The following SOCS1 variants were observed in gnomAD, a reference collection of about 807,000 sequenced individuals.
The protein encoded by SOCS1 is suppressor of cytokine signaling 1.
In SOCS1, 3 loss-of-function variants were observed where a neutral mutation model predicts 9.7. The observed-to-expected ratio is 0.31, with a 90% CI of 0.14 to 0.80. The LOEUF is 0.80. Ranked by LOEUF, SOCS1 falls within the 30% of genes least tolerant of loss-of-function variation. SOCS1 has a pLI of 0.61. For synonymous variants in SOCS1, 194 were observed against 150.2 expected (o/e 1.29, Z -2.13); for missense variants, 368 against 324.7 (o/e 1.13, Z -1.02).
chr16:11,254,980 G>T lies in SOCS1; in HGVS notation c.499C>A (p.Arg167Ser). Residue 167 changes from arginine (R) to serine (S), a missense_variant, in exon 2 of 2, where the codon CGC becomes AGC. Physicochemically the swap from Arg to Ser is moderately radical, Grantham distance 110. Transcript: ENST00000332029. ...APRRMLGAPLRQRRVRPLQEL... is the reference protein window; with the variant it reads ...APRRMLGAPLSQRRVRPLQEL... Reference sequence around the variant, plus strand: ...TGCAGCGGCCGCACGCGGCGCTGGCGCAGCGGGGCCCCCAGCATGCGGCGC... The same window carrying T: ...TGCAGCGGCCGCACGCGGCGCTGGCTCAGCGGGGCCCCCAGCATGCGGCGC... The T allele has an allele frequency of 6.5e-7, 1 of 1,540,296 alleles. No individual in the cohort carries two copies. The highest frequency in any genetic ancestry group is 1.2e-5 in the South Asian group (1 of 83,026).
At position 11,254,734 on chromosome 16, in the gene SOCS1, C is replaced by T. The variant is rs912493125; in HGVS notation, c.*109G>A. The T allele has an allele frequency of 7.4e-6, 10 of 1,354,992 alleles. No individual in the cohort carries two copies. Among genetic ancestry groups the T allele is most frequent in the African/African-American group, 1.5e-5 (1 of 65,412 alleles). The allele number at this position is 1,354,992 out of a possible 1,614,324, so 83.9% of individuals were successfully genotyped here. On this transcript the variant is annotated 3_prime_UTR_variant, in exon 2 of 2. Coordinates refer to ENST00000332029, the MANE Select transcript of SOCS1 (RefSeq NM_003745.2). ...GGAGGCGCCTCGCCCCTACACCCATCCGCTCCCTCCAACCCAGGCCGGGGA... is the reference window on the plus strand; with the variant it reads ...GGAGGCGCCTCGCCCCTACACCCATTCGCTCCCTCCAACCCAGGCCGGGGA...
At chr16:11,255,784 C>T (rs34595128) in intron 1 of SOCS1, 2,814 of 258,346 alleles carry the variant, frequency 0.011, 70 homozygotes, top group African/African-American at 0.057. Flanking sequence ...GAGAGGGGGG[C>T]GTGGAGAGCA....
At position 11,254,989 on chromosome 16, in the gene SOCS1, C is replaced by T. The variant is rs375288726; in HGVS notation, c.490G>A (p.Ala164Thr). Residue 164 changes from alanine to threonine, a missense_variant, in exon 2 of 2, where the codon GCC (alanine) becomes ACC (threonine). Ala to Thr is a moderately conservative substitution (Grantham distance 58, BLOSUM62 0). Coordinates refer to ENST00000332029, the MANE Select transcript of SOCS1 (RefSeq NM_003745.2). The stretch of plus-strand genomic sequence containing the variant: ...CGCACGCGGCGCTGGCGCAGCGGGG[C>T]CCCCAGCATGCGGCGCGGCGCCGCC... ...YVAAPRRMLG[A>T]PLRQRRVRPL... 4.4e-5 allele frequency: 68 copies of T among 1,556,838 alleles called. No individual in the cohort carries two copies. Among genetic ancestry groups the T allele is most frequent in the Non-Finnish European group, 5.6e-5 (65 of 1,155,654 alleles).
intron 1 of SOCS1, 197 bp downstream of exon 1, chr16:11,255,882 G>C (rs2069595516): frequency 6.1e-6 from 1 of 163,862 alleles, no homozygotes; most frequent in African/African-American, 2.4e-5. Flanking sequence ...CCTGGTCTGG[G>C]CGATTTGGGC....
rs2069584323 is a variant in SOCS1, at chr16:11,255,273, C to A, written c.206G>T (p.Arg69Leu). 6.5e-7 allele frequency: 1 copy of A among 1,538,252 alleles called. No individual in the cohort carries two copies. Among genetic ancestry groups the A allele is most frequent in the East Asian group, 2.5e-5 (1 of 39,462 alleles). The change falls in exon 2 of 2, where the codon CGC (arginine) becomes CTC (leucine). Residue 69 changes from arginine to leucine, a missense_variant. Arg to Leu is a moderately radical substitution (Grantham distance 102). Transcript: ENST00000332029. The stretch of plus-strand genomic sequence containing the variant: ...GCAGGCGTCCAGGAGCGCGCTGGCG[C>A]GCGTGATGCGCCGGTAATCGGCGTG... ...RSHADYRRIT[R>L]ASALLDACGF...
intron 1 of SOCS1, 84 bp from the exon 2 acceptor site, chr16:11,255,612 T>TC (rs2069590788): frequency 1.3e-5 from 6 of 467,754 alleles, no homozygotes; most frequent in African/African-American, 6.1e-5. Context: ...AGGGCGGCGC[T>TC]CCCGGCGGAC....
In SOCS1 at chr16:11,255,011, C is replaced by T. The variant is rs2069578607; in HGVS notation, c.468G>A (p.Ala156=). The T allele has an allele frequency of 1.9e-6, 3 of 1,583,082 alleles. No individual in the cohort carries two copies. The highest frequency in any genetic ancestry group is 1.7e-6 in the Non-Finnish European group (2 of 1,167,884). Residue 156 remains alanine (A), a synonymous_variant, in exon 2 of 2, where the codon GCG becomes GCA. Coordinates refer to ENST00000332029, the MANE Select transcript of SOCS1 (RefSeq NM_003745.2). Reference sequence around the variant, plus strand: ...GGGCCCCCAGCATGCGGCGCGGCGCCGCCACGTAGTGCTCCAGCAGCTCGA... The same window carrying T: ...GGGCCCCCAGCATGCGGCGCGGCGCTGCCACGTAGTGCTCCAGCAGCTCGA... The part of the protein sequence containing the change: ...CLFELLEHYV[A]APRRMLGAPL...
At chr16:11,255,561 C>G in intron 1 of SOCS1, 33 bp from the exon 2 acceptor site, 1 of 895,714 alleles carries the variant, frequency 1.1e-6, no homozygotes, top group Non-Finnish European at 1.5e-6. Context: ...AGCTGGGGCG[C>G]TGCGGGGCCG....
At position 11,255,451 on chromosome 16, in the gene SOCS1, C is replaced by T. The variant is rs2069587396; in HGVS notation, c.28G>A (p.Asp10Asn). Reference protein sequence around the residue: MVAHNQVAADNAVSTAAEPR... With the variant: MVAHNQVAANNAVSTAAEPR... ...TCTGCTGCTGTGGAGACTGCATTGTCGGCTGCCACCTGGTTGTGTGCTACC... is the reference window on the plus strand; with the variant it reads ...TCTGCTGCTGTGGAGACTGCATTGTTGGCTGCCACCTGGTTGTGTGCTACC... The change falls in exon 2 of 2, where the codon GAC (aspartate) becomes AAC (asparagine). Residue 10 changes from aspartate to asparagine, a missense_variant. Transcript: ENST00000332029. The T allele has an allele frequency of 7.7e-7, 1 of 1,296,968 alleles. No individual in the cohort carries two copies. Among genetic ancestry groups the T allele is most frequent in the Non-Finnish European group, 9.8e-7 (1 of 1,025,510 alleles). The allele number at this position is 1,296,968 out of a possible 1,614,324, so 80.3% of individuals were successfully genotyped here. A position where few individuals can be genotyped will look rare whatever the true frequency, so the allele number is the denominator to read the frequency against.
Position 11,254,784 on chromosome 16 carries a change from GTAA to G in SOCS1, c.*56_*58del, listed in dbSNP as rs1287277976. 8 of 1,425,366 alleles carry G rather than the reference GTAA, an allele frequency of 5.6e-6. No individual in the cohort carries two copies. The highest frequency in any genetic ancestry group is 7.3e-6 in the Non-Finnish European group (8 of 1,092,082). The allele number at this position is 1,425,366 out of a possible 1,614,324, so 88.3% of individuals were successfully genotyped here. On this transcript the variant is annotated 3_prime_UTR_variant, in exon 2 of 2. Transcript: ENST00000332029. ...AGGGTACCCACATGGTTCCAGGCAAGTAATAACAAAATAACACGGCATCCCAGT... is the reference window on the plus strand; with the variant it reads ...AGGGTACCCACATGGTTCCAGGCAAGTAACAAAATAACACGGCATCCCAGT...
chr16:11,255,322 T>C lies in SOCS1; in HGVS notation c.157A>G (p.Thr53Ala), dbSNP rs1043601754. ...PAVPAPAPGD[T>A]HFRTFRSHAD... is the part of the protein sequence containing the mutation. ...TGCGAACGGAATGTGCGGAAGTGCG[T>C]GTCGCCGGGGGCCGGGGCCGGGACC... The change falls in exon 2 of 2, where the codon ACG (threonine) becomes GCG (alanine). Residue 53 changes from threonine to alanine, a missense_variant. Thr to Ala is a moderately conservative substitution (Grantham distance 58, BLOSUM62 0). Transcript: ENST00000332029. The C allele has an allele frequency of 8.8e-6, 13 of 1,475,294 alleles. No homozygotes were observed. Among genetic ancestry groups the C allele is most frequent in the Non-Finnish European group, 1.1e-5 (12 of 1,117,420 alleles). The allele number at this position is 1,475,294 out of a possible 1,614,324, so 91.4% of individuals were successfully genotyped here. A position where few individuals can be genotyped will look rare whatever the true frequency, so the allele number is the denominator to read the frequency against.
chr16:11,255,233 C>A lies in SOCS1; in HGVS notation c.246G>T (p.Gly82=). The change falls in exon 2 of 2, where the codon GGG becomes GGT. Residue 82 remains glycine, a synonymous_variant. Coordinates refer to ENST00000332029, the MANE Select transcript of SOCS1 (RefSeq NM_003745.2). The part of the protein sequence containing the change: ...ALLDACGFYW[G]PLSVHGAHER... ...CGTGCGCCCCGTGCACGCTCAGGGGCCCCCAGTAGAATCCGCAGGCGTCCA... is the reference window on the plus strand; with the variant it reads ...CGTGCGCCCCGTGCACGCTCAGGGGACCCCAGTAGAATCCGCAGGCGTCCA... 3 of 1,567,956 alleles carry A rather than the reference C, an allele frequency of 1.9e-6. No individual in the cohort carries two copies. The highest frequency in any genetic ancestry group is 2.6e-6 in the Non-Finnish European group (3 of 1,163,398).
Position 11,255,435 on chromosome 16 carries a change from G to A in SOCS1, c.44C>T (p.Thr15Ile), listed in dbSNP as rs753381473. The stretch of plus-strand genomic sequence containing the variant: ...TGGCCGCCGTCGGGGCTCTGCTGCT[G>A]TGGAGACTGCATTGTCGGCTGCCAC... ...NQVAADNAVS[T>I]AAEPRRRPEP... The change falls in exon 2 of 2, where the codon ACA (threonine) becomes ATA (isoleucine). Residue 15 changes from threonine (T) to isoleucine (I), a missense_variant. Transcript: ENST00000332029. 2.7e-5 allele frequency: 36 copies of A among 1,318,590 alleles called. 1 individual carries two copies. In the East Asian group the frequency reaches 6.7e-4, roughly 25 times the overall value. The allele number at this position is 1,318,590 out of a possible 1,614,324, so 81.7% of individuals were successfully genotyped here.
At position 11,255,524 on chromosome 16, in the gene SOCS1, G is replaced by A. The variant is rs2069588892; in HGVS notation, c.-46C>T. On this transcript the variant is annotated 5_prime_UTR_variant, in exon 2 of 2. Transcript: ENST00000332029. Reference sequence around the variant, plus strand: ...GAGGGGTGGGCCATAGCGTCCGGGGGTGCGCTGCGGGAGAGACAAAGAGGT... The same window carrying A: ...GAGGGGTGGGCCATAGCGTCCGGGGATGCGCTGCGGGAGAGACAAAGAGGT... 16 of 1,165,838 alleles carry A rather than the reference G, an allele frequency of 1.4e-5. No homozygotes were observed. In the South Asian group the frequency reaches 6.0e-4, roughly 43 times the overall value. The allele number at this position is 1,165,838 out of a possible 1,614,324, so 72.2% of individuals were successfully genotyped here. A position where few individuals can be genotyped will look rare whatever the true frequency, so the allele number is the denominator to read the frequency against.
chr16:11,254,829 G>A lies in SOCS1; in HGVS notation c.*14C>T. On this transcript the variant is annotated 3_prime_UTR_variant, in exon 2 of 2. Coordinates refer to ENST00000332029, the MANE Select transcript of SOCS1 (RefSeq NM_003745.2). ...CATCCCAGTTAATGCTGCGTGCACG[G>A]CGGGCGCTGCCGGTCAAATCTGGAA... is the stretch of plus-strand genomic sequence containing the variant. 1 of 1,468,678 alleles carries A rather than the reference G, an allele frequency of 6.8e-7. No individual in the cohort carries two copies. The highest frequency in any genetic ancestry group is 1.5e-5 in the African/African-American group (1 of 67,380). The allele number at this position is 1,468,678 out of a possible 1,614,324, so 91.0% of individuals were successfully genotyped here. A position where few individuals can be genotyped will look rare whatever the true frequency, so the allele number is the denominator to read the frequency against.
In SOCS1 at chr16:11,255,200, C is replaced by T. The variant is rs775000305; in HGVS notation, c.279G>A (p.Leu93=). 1.0e-5 allele frequency: 16 copies of T among 1,582,476 alleles called. No homozygotes were observed. Among genetic ancestry groups the T allele is most frequent in the South Asian group, 9.0e-5 (8 of 88,424 alleles). The change falls in exon 2 of 2, where the codon CTG becomes CTA. Residue 93 remains leucine, a synonymous_variant. Coordinates refer to ENST00000332029, the MANE Select transcript of SOCS1 (RefSeq NM_003745.2). ...PLSVHGAHER[L]RAEPVGTFLV... ...GGAAGGTGCCCACGGGCTCGGCGCG[C>T]AGCCGCTCGTGCGCCCCGTGCACGC...
At position 11,255,654 on chromosome 16, in the gene SOCS1, G is replaced by C. The variant is rs947428982; in HGVS notation, c.-50-126C>G. The C allele has an allele frequency of 7.6e-6, 3 of 393,764 alleles. No individual in the cohort carries two copies. In the Admixed American group the frequency reaches 1.3e-4, roughly 18 times the overall value. The allele number at this position is 393,764 out of a possible 1,614,324, so 24.4% of individuals were successfully genotyped here. On this transcript the variant is annotated intron_variant, in intron 1 of 1. Transcript: ENST00000332029. ...CTAGGGGGCGAGCACGGAGCACCAA[G>C]TCCGCGCGGATCCGTTCAGCCTCAG...
Position 11,255,200 on chromosome 16 carries a change from C to A in SOCS1, c.279G>T (p.Leu93=). ...PLSVHGAHER[L]RAEPVGTFLV... ...GGAAGGTGCCCACGGGCTCGGCGCG[C>A]AGCCGCTCGTGCGCCCCGTGCACGC... Residue 93 remains leucine (L), a synonymous_variant, in exon 2 of 2, where the codon CTG becomes CTT. Transcript: ENST00000332029. 1 of 1,582,476 alleles carries A rather than the reference C, an allele frequency of 6.3e-7. No homozygotes were observed. Among genetic ancestry groups the A allele is most frequent in the East Asian group, 2.3e-5 (1 of 43,026 alleles).
In SOCS1 at chr16:11,255,109, T is replaced by A. The variant is rs2069581138; in HGVS notation, c.370A>T (p.Thr124Ser). The change falls in exon 2 of 2, where the codon ACG becomes TCG. Residue 124 changes from threonine (T) to serine (S), a missense_variant. By Grantham distance (58) the Thr-to-Ser change is moderately conservative (BLOSUM62 1). Transcript: ENST00000332029. ...GCCTGAAAGTGCACGCGGATGCTCG[T>A]GGGTCCCGAGGCCATCTTCACGCTA... ...ALSVKMASGP[T>S]SIRVHFQAGR... 6.2e-7 allele frequency: 1 copy of A among 1,609,814 alleles called. No individual in the cohort carries two copies. Among genetic ancestry groups the A allele is most frequent in the African/African-American group, 1.3e-5 (1 of 74,450 alleles).
Sources: gnomAD v4.1 joint callset for allele counts on GRCh38, gnomAD v4.1.1 for gene constraint, MANE v1.5 for transcripts, NCBI Gene and HGNC (gene_info 2026-07-23, HGNC 2026-07-21) for gene names.